RSU1: variants seen among roughly 807,000 people sequenced by gnomAD.
RSU1 encodes rsu-1.
Under a neutral mutation model 31.1 loss-of-function variants are expected in RSU1, and 26 were observed. The ratio of observed to expected loss-of-function variants is 0.84; its 90% CI spans 0.61 to 1.16. The LOEUF (loss-of-function observed/expected upper bound fraction) is 1.16, where lower values mean the gene tolerates loss of function less well. Ranked by LOEUF, RSU1 falls within the 50% of genes most tolerant of loss-of-function variation. The pLI is 0.00. For synonymous variants in RSU1, 164 were observed against 136.3 expected (o/e 1.20, Z -1.41); for missense variants, 320 against 339.1 (o/e 0.94, Z 0.44).
chr10:16,750,479 T>G (rs953287274), intron 7 of RSU1, among the ~76,000 whole-genome samples: 4 of 152,172 alleles, frequency 2.6e-5, no homozygotes, highest in African/African-American at 9.7e-5. Context: ...TCATGCAGTA[T>G]TTAAATAAGA....
At chr10:16,708,658 G>C (rs1311478871) in intron 7 of RSU1, among the ~76,000 whole-genome samples, 1 of 152,002 alleles carries the variant, frequency 6.6e-6, no homozygotes, top group Non-Finnish European at 1.5e-5. Flanking sequence ...CAAATCTGTA[G>C]ATTATTTTAG....
At chr10:16,599,527 C>A (rs896044190) in intron 8 of RSU1, among the ~76,000 whole-genome samples, 1 of 152,234 alleles carries the variant, frequency 6.6e-6, no homozygotes. Flanking sequence ...CTTCGACACC[C>A]TACTCAGCCC....
chr10:16,646,140 C>T (rs1432148326), intron 8 of RSU1, among the ~76,000 whole-genome samples: 1 of 142,362 alleles, frequency 7.0e-6, no homozygotes, highest in Non-Finnish European at 1.5e-5. Flanking sequence ...ACAACAAAAG[C>T]AACAGCAAGA....
intron 8 of RSU1, among the ~76,000 whole-genome samples, chr10:16,689,762 A>C (rs1835505935): frequency 6.6e-6 from 1 of 152,216 alleles, no homozygotes; most frequent in Non-Finnish European, 1.5e-5. Context: ...GGTTAAAAAA[A>C]CGGAACACAC....
intron 8 of RSU1, among the ~76,000 whole-genome samples, chr10:16,600,651 C>T (rs139610353): frequency 4.0e-5 from 6 of 151,880 alleles, no homozygotes; most frequent in South Asian, 2.1e-4. Flanking sequence ...CAGCATTGAC[C>T]GCTGTGCTCA....
chr10:16,758,424 G>A (rs1347877099), intron 4 of RSU1, among the ~76,000 whole-genome samples: 16 of 152,120 alleles, frequency 1.1e-4, no homozygotes, highest in Admixed American at 9.8e-4. Flanking sequence ...TCAGGGCCCC[G>A]CTCTGACACT....
chr10:16,705,672 T>C (rs1835884653), intron 7 of RSU1, among the ~76,000 whole-genome samples: 1 of 152,142 alleles, frequency 6.6e-6, no homozygotes, highest in Non-Finnish European at 1.5e-5. Flanking sequence ...TATTTTTTAG[T>C]AGAGATGGGG....
chr10:16,679,689 C>G (rs148944049), intron 8 of RSU1, among the ~76,000 whole-genome samples: 97 of 152,188 alleles, frequency 6.4e-4, no homozygotes, highest in African/African-American at 2.2e-3. Flanking sequence ...TGTAACCCGG[C>G]CTTGTCTTTC....
intron 2 of RSU1, among the ~76,000 whole-genome samples, chr10:16,810,138 G>A (rs1303482729): frequency 6.6e-6 from 1 of 152,122 alleles, no homozygotes; most frequent in African/African-American, 2.4e-5. Context: ...GGCCAAGGCA[G>A]GAGAATTGCT....
chr10:16,730,796 T>C (rs571965537), intron 7 of RSU1, among the ~76,000 whole-genome samples: 2 of 152,338 alleles, frequency 1.3e-5, no homozygotes, highest in African/African-American at 4.8e-5. Context: ...GAATATTCTC[T>C]GTAACTGGAA....
chr10:16,689,777 C>T (rs1835506493), intron 8 of RSU1, among the ~76,000 whole-genome samples: 1 of 152,036 alleles, frequency 6.6e-6, no homozygotes, highest in Non-Finnish European at 1.5e-5. Flanking sequence ...ACACACAAAA[C>T]ACAAATGAGT....
At chr10:16,725,810 C>G (rs536654515) in intron 7 of RSU1, among the ~76,000 whole-genome samples, 16 of 146,564 alleles carry the variant, frequency 1.1e-4, no homozygotes, top group South Asian at 4.7e-4. Context: ...TTTGTGAAAC[C>G]AGCACAAAAT....
rs202052565 is a variant in RSU1 at position 16,752,636 on chromosome 10, G to A, written c.501C>T (p.Asn167=). 143 of 1,613,628 alleles carry A rather than the reference G, an allele frequency of 8.9e-5. No homozygotes were observed. Among genetic ancestry groups the A allele is most frequent in the Middle Eastern group, 1.6e-4 (1 of 6,062 alleles). ...TKLQILSLRD[N]DLISLPKEIG... is the part of the protein sequence containing the mutation. ...TTTCCTTAGGCAGCGAGATCAGGTC[G>A]TTATCCCTAAGGCTGAGCTAAACAG... Residue 167 remains asparagine (N), a synonymous_variant, in exon 7 of 9, where the codon AAC becomes AAT. Coordinates refer to ENST00000345264, the MANE Select transcript of RSU1 (RefSeq NM_012425.4).
intron 8 of RSU1, among the ~76,000 whole-genome samples, chr10:16,636,565 C>A (rs189838518): frequency 6.6e-6 from 1 of 152,274 alleles, no homozygotes; most frequent in Admixed American, 6.5e-5. Context: ...TAGCAGTGAT[C>A]ATTTTGAAAA....
At chr10:16,802,587 C>T (rs997766148) in intron 2 of RSU1, among the ~76,000 whole-genome samples, 2 of 152,014 alleles carry the variant, frequency 1.3e-5, no homozygotes, top group African/African-American at 4.8e-5. Context: ...AAAGACATTA[C>T]AAAAAGGAGA....
At chr10:16,658,220 G>C (rs1834826403) in intron 8 of RSU1, among the ~76,000 whole-genome samples, 1 of 152,024 alleles carries the variant, frequency 6.6e-6, no homozygotes, top group African/African-American at 2.4e-5. Context: ...ATTTGCAATA[G>C]AAATAAAAGC....
At chr10:16,718,069 T>G (rs1346591385) in intron 7 of RSU1, among the ~76,000 whole-genome samples, 2 of 139,766 alleles carry the variant, frequency 1.4e-5, no homozygotes, top group African/African-American at 5.4e-5. Context: ...TTTTCAAATG[T>G]GAAGGTGTTT....
chr10:16,622,678 G>A (rs74125998), intron 8 of RSU1, among the ~76,000 whole-genome samples: 2,590 of 152,282 alleles, frequency 0.017, 69 homozygotes, highest in African/African-American at 0.059. Flanking sequence ...CCTGAAAGAT[G>A]AGCCTAAATC....
chr10:16,667,064 G>GA (rs957210523), intron 8 of RSU1, among the ~76,000 whole-genome samples: 4 of 151,516 alleles, frequency 2.6e-5, no homozygotes, highest in African/African-American at 4.8e-5. Flanking sequence ...AAAAAACAAA[G>GA]AAAAAAACAA....
Sources: gnomAD v4.1 joint callset for allele counts (sites outside exome capture counted in the v4.1 genomes callset) on GRCh38, gnomAD v4.1.1 for gene constraint, MANE v1.5 for transcripts, NCBI Gene and HGNC (gene_info 2026-07-23, HGNC 2026-07-21) for gene names.